The following FGD3 variants were observed in gnomAD, a reference collection of about 807,000 sequenced individuals.
The protein encoded by FGD3 is FYVE, RhoGEF and PH domain-containing protein 3.
A neutral mutation model predicts 71.8 loss-of-function variants in FGD3; 45 were observed. The ratio of observed to expected loss-of-function variants is 0.63; its 90% CI spans 0.49 to 0.80. The LOEUF (loss-of-function observed/expected upper bound fraction) is 0.80. Ranked by LOEUF, FGD3 falls within the 30% of genes least tolerant of loss-of-function variation. FGD3 has a pLI of 0.00. For synonymous variants in FGD3, 378 were observed against 392.8 expected (o/e 0.96, Z 0.44); for missense variants, 844 against 951.5 (o/e 0.89, Z 1.49).
chr9:93,032,801 C>T lies in FGD3; in HGVS notation c.1713C>T (p.Ala571=), dbSNP rs570942192. The T allele has an allele frequency of 2.7e-5, 43 of 1,614,094 alleles. No homozygotes were observed. Among genetic ancestry groups the T allele is most frequent in the East Asian group, 4.5e-5 (2 of 44,896 alleles). The change falls in exon 16 of 18, where the codon GCC becomes GCT. Residue 571 remains alanine (A), a synonymous_variant. Transcript: ENST00000375482. The part of the protein sequence containing the change: ...VICGKCSEFK[A]ENSRQSRVCR... ...GTGGGAAGTGCTCCGAGTTCAAGGC[C>T]GAGAACAGCCGGCAGAGCCGTGTCT... is the stretch of plus-strand genomic sequence containing the variant.
intron 1 of FGD3, among the ~76,000 whole-genome samples, chr9:92,959,649 G>C (rs948479101): frequency 6.8e-6 from 1 of 146,750 alleles, no homozygotes; most frequent in African/African-American, 2.5e-5. Context: ...CGAGGCTACA[G>C]TGAGTCATGA....
chr9:93,035,098 G>A (rs1862541998), intron 17 of FGD3, among the ~76,000 whole-genome samples: 1 of 152,200 alleles, frequency 6.6e-6, no homozygotes, highest in Non-Finnish European at 1.5e-5. Flanking sequence ...GGGGTCTGGT[G>A]AGGTGGGCAA....
intron 3 of FGD3, among the ~76,000 whole-genome samples, chr9:92,997,791 T>C (rs1352579542): frequency 6.6e-6 from 1 of 152,224 alleles, no homozygotes. Context: ...ATGTTGAATA[T>C]TGGCCCCCAC....
Position 92,976,667 on chromosome 9 carries a change from G to C in FGD3, c.411G>C (p.Glu137Asp), listed in dbSNP as rs769377481. Reference protein sequence around the residue: ...DSDVGEEPDSENTPQKADKDA... With the variant: ...DSDVGEEPDSDNTPQKADKDA... ...ACGTGGGTGAGGAACCTGACTCTGA[G>C]AACACCCCCCAGAAGGCTGACAAGG... The change falls in exon 3 of 18, where the codon GAG (glutamate) becomes GAC (aspartate). Residue 137 changes from glutamate (E) to aspartate (D), a missense_variant. By Grantham distance (45) the Glu-to-Asp change is conservative. Coordinates refer to ENST00000375482, the MANE Select transcript of FGD3 (RefSeq NM_001083536.2). 6.2e-7 allele frequency: 1 copy of C among 1,609,098 alleles called. No individual in the cohort carries two copies. The highest frequency in any genetic ancestry group is 2.2e-5 in the East Asian group (1 of 44,834).
At chr9:92,967,855 G>A (rs931126677) in intron 1 of FGD3, among the ~76,000 whole-genome samples, 4 of 152,224 alleles carry the variant, frequency 2.6e-5, no homozygotes, top group Non-Finnish European at 4.4e-5. Context: ...TTACAGGCAT[G>A]AGCCACTGCG....
chr9:92,976,568 A>G lies in FGD3; in HGVS notation c.312A>G (p.Val104=). The change falls in exon 3 of 18, where the codon GTA becomes GTG. Residue 104 remains valine (V), a synonymous_variant. Transcript: ENST00000375482. ...EGLEAGPSPT[V]LGAHAEMALD... ...TGGAGGCTGGCCCAAGCCCCACTGT[A>G]CTGGGGGCGCACGCAGAGATGGCCC... 1 of 1,612,628 alleles carries G rather than the reference A, an allele frequency of 6.2e-7. No homozygotes were observed.
chr9:93,011,415 C>A, intron 8 of FGD3, 143 bp downstream of exon 8: 1 of 959,524 alleles, frequency 1.0e-6, no homozygotes, highest in Non-Finnish European at 1.6e-6. Flanking sequence ...CCCCCATCCC[C>A]AGGGGGGTCA....
intron 8 of FGD3, among the ~76,000 whole-genome samples, chr9:93,012,700 G>T (rs1010054189): frequency 7.1e-5 from 10 of 141,480 alleles, no homozygotes; most frequent in Non-Finnish European, 4.6e-5. Flanking sequence ...GGTGTGGGGG[G>T]GGGAAGAATC....
At chr9:92,957,449 A>T (rs78803887) in intron 1 of FGD3, among the ~76,000 whole-genome samples, 2,460 of 152,152 alleles carry the variant, frequency 0.016, 57 homozygotes, top group African/African-American at 0.054. Context: ...AGTTTCCCTG[A>T]TGGCAGGCAG....
chr9:93,015,576 A>G, intron 9 of FGD3, 161 bp from the exon 10 acceptor site: 1 of 513,460 alleles, frequency 1.9e-6, no homozygotes, highest in South Asian at 3.3e-5. Context: ...TCACTCAAAG[A>G]TGTAACCATA....
In FGD3 at chr9:92,997,901, A is replaced by AT. The variant is rs1564155503; in HGVS notation, c.454-5018dup. 2.6e-5 allele frequency among the ~76,000 whole-genome samples: 4 copies of AT among 152,062 alleles called. No homozygotes were observed. In the East Asian group the frequency reaches 7.7e-4, roughly 29 times the overall value. On this transcript the variant is annotated intron_variant, in intron 3 of 17. Transcript: ENST00000375482. ...ACCTTTCTCTCTGGCTGCCCTTAAC[A>AT]TTTTTTCCTTCATTTCAACTTTGGT...
chr9:93,011,982 C>T (rs999809200), intron 8 of FGD3, among the ~76,000 whole-genome samples: 1 of 151,786 alleles, frequency 6.6e-6, no homozygotes, highest in African/African-American at 2.4e-5. Context: ...TATGGTGAAA[C>T]CCCATCTCTA....
intron 14 of FGD3, among the ~76,000 whole-genome samples, chr9:93,027,776 A>G (rs10821057): frequency 0.16 from 22,398 of 140,144 alleles, 1,829 homozygotes; most frequent in South Asian, 0.17. Flanking sequence ...CTGGAGTGCA[A>G]TGGTGTGATC....
At chr9:93,012,144 ACT>A (rs1861429542) in intron 8 of FGD3, among the ~76,000 whole-genome samples, 1 of 131,892 alleles carries the variant, frequency 7.6e-6, no homozygotes, top group Admixed American at 7.7e-5. Context: ...ACAGAGCAAG[ACT>A]CTGTCTCAAA....
chr9:93,019,689 C>A, intron 11 of FGD3, 142 bp from the exon 12 acceptor site: 1 of 794,064 alleles, frequency 1.3e-6, no homozygotes, highest in Non-Finnish European at 2.1e-6. Context: ...TGTTTTGAGG[C>A]CCTTGGGGCC....
intron 3 of FGD3, among the ~76,000 whole-genome samples, chr9:92,989,261 G>C (rs889083327): frequency 5.9e-5 from 9 of 152,154 alleles, no homozygotes; most frequent in African/African-American, 2.2e-4. Context: ...ATGTTAGCCA[G>C]GATGGTCTTG....
At chr9:93,022,830 C>A (rs1038744479) in intron 14 of FGD3, among the ~76,000 whole-genome samples, 1 of 152,066 alleles carries the variant, frequency 6.6e-6, no homozygotes, top group Admixed American at 6.5e-5. Context: ...AGTTCTTCAC[C>A]CCAAGCAGCG....
intron 10 of FGD3, among the ~76,000 whole-genome samples, chr9:93,016,335 C>CTTTTT (rs71511639): frequency 5.7e-4 from 62 of 108,498 alleles, no homozygotes; most frequent in Non-Finnish European, 8.4e-4. Flanking sequence ...GAATGACCTT[C>CTTTTT]TTTTTTTTTT....
intron 7 of FGD3, 124 bp downstream of exon 7, chr9:93,010,508 CCAGAGGGAA>C: frequency 9.9e-7 from 1 of 1,009,512 alleles, no homozygotes; most frequent in Non-Finnish European, 1.3e-6. Context: ...AACAGAGAGA[CCAGAGGGAA>C]AGAGACAGAG....
Sources: gnomAD v4.1 joint callset for allele counts (sites outside exome capture counted in the v4.1 genomes callset) on GRCh38, gnomAD v4.1.1 for gene constraint, MANE v1.5 for transcripts, NCBI Gene and HGNC (gene_info 2026-07-23, HGNC 2026-07-21) for gene names.